ERLEC1: variants seen among roughly 807,000 people sequenced by gnomAD.
The protein encoded by ERLEC1 is ER lectin.
A neutral mutation model predicts 68.0 loss-of-function variants in ERLEC1; 47 were observed. The observed-to-expected ratio is 0.69, with a 90% CI of 0.55 to 0.88. The LOEUF is 0.88. Ranked by LOEUF, ERLEC1 falls within the 40% of genes least tolerant of loss-of-function variation. The pLI is 0.00. For missense variants in ERLEC1, 567 were observed against 583.8 expected, an observed-to-expected ratio of 0.97 and a Z score of 0.30; for synonymous variants, 225 against 203.2, an observed-to-expected ratio of 1.11 and a Z score of -0.91.
intron 8 of ERLEC1, among the ~76,000 whole-genome samples, chr2:53,802,914 T>C (rs1442751970): frequency 6.6e-6 from 1 of 152,118 alleles, no homozygotes; most frequent in Non-Finnish European, 1.5e-5. Flanking sequence ...ACCTTCAGTA[T>C]ATTGTTTTCT....
intron 1 of ERLEC1, among the ~76,000 whole-genome samples, chr2:53,789,503 C>T (rs1417183277): frequency 6.6e-6 from 1 of 152,060 alleles, no homozygotes; most frequent in East Asian, 1.9e-4. Flanking sequence ...TCAAGCCATC[C>T]TTCTGCCTCA....
chr2:53,808,216 TTAAAAA>T, intron 8 of ERLEC1, 77 bp from the exon 9 acceptor site: 2 of 1,465,462 alleles, frequency 1.4e-6, no homozygotes, highest in Non-Finnish European at 1.8e-6. Flanking sequence ...TTTCTGCAGT[TTAAAAA>T]TAATAACTTA....
At chr2:53,799,152 A>G in intron 6 of ERLEC1, 71 bp downstream of exon 6, 1 of 1,287,734 alleles carries the variant, frequency 7.8e-7, no homozygotes, top group East Asian at 2.4e-5. Flanking sequence ...ATATAACCCA[A>G]GTGACAGAAT....
At chr2:53,811,916 T>TTTTTG (rs1270568663) in intron 10 of ERLEC1, among the ~76,000 whole-genome samples, 8 of 152,140 alleles carry the variant, frequency 5.3e-5, no homozygotes, top group African/African-American at 1.9e-4. Context: ...ATAGGGGTTT[T>TTTTTG]TTTTGTTTTG....
chr2:53,813,306 C>G (rs1406578771), intron 11 of ERLEC1, among the ~76,000 whole-genome samples: 6 of 152,108 alleles, frequency 3.9e-5, no homozygotes, highest in Non-Finnish European at 8.8e-5. Flanking sequence ...CACTTCCTAC[C>G]TTGGAGAAAT....
At chr2:53,789,552 C>T (rs979372734) in intron 1 of ERLEC1, among the ~76,000 whole-genome samples, 5 of 152,270 alleles carry the variant, frequency 3.3e-5, no homozygotes, top group South Asian at 2.1e-4. Context: ...GTCACCATTG[C>T]ATCTGGCTTT....
chr2:53,814,704 T>C (rs1198093726), intron 12 of ERLEC1, 84 bp downstream of exon 12: 6 of 1,032,162 alleles, frequency 5.8e-6, no homozygotes, highest in Non-Finnish European at 8.7e-6. Context: ...AACAGTATAA[T>C]TATGAATAAT....
chr2:53,804,399 G>C (rs1313369201), intron 8 of ERLEC1, among the ~76,000 whole-genome samples: 1 of 152,030 alleles, frequency 6.6e-6, no homozygotes, highest in Non-Finnish European at 1.5e-5. Flanking sequence ...TTGGCCTCCT[G>C]AGTAGCTGGG....
chr2:53,817,158 G>T lies in ERLEC1; in HGVS notation c.1381-740G>T, dbSNP rs567693358. Among the ~76,000 whole-genome samples the T allele has an allele frequency of 1.2e-3, 171 of 148,198 alleles. 2 individuals are homozygous for T. Among genetic ancestry groups the T allele is most frequent in the African/African-American group, 4.2e-3 (170 of 40,090 alleles). The stretch of plus-strand genomic sequence containing the variant: ...TACTTATTTTTTTTTTTTTGAGACA[G>T]AGTCTCGCTCTGTCACCCAGGCTGG... On this transcript the variant is annotated intron_variant, in intron 13 of 13. Transcript: ENST00000185150.
chr2:53,796,091 C>T, intron 3 of ERLEC1, 78 bp downstream of exon 3: 36 of 991,988 alleles, frequency 3.6e-5, no homozygotes, highest in South Asian at 4.7e-5. Context: ...ACCGTTTCTT[C>T]TTTATTATGT....
At chr2:53,796,865 A>G (rs1334445928) in intron 3 of ERLEC1, among the ~76,000 whole-genome samples, 2 of 150,436 alleles carry the variant, frequency 1.3e-5, no homozygotes, top group African/African-American at 2.4e-5. Context: ...AATGTTTTTC[A>G]GTTCAAAATA....
chr2:53,815,497 C>T (rs963958075), intron 13 of ERLEC1, among the ~76,000 whole-genome samples: 3 of 152,132 alleles, frequency 2.0e-5, no homozygotes, highest in African/African-American at 4.8e-5. Context: ...CAGTTATATA[C>T]ACCCATGTAA....
intron 6 of ERLEC1, among the ~76,000 whole-genome samples, chr2:53,800,622 C>T (rs532182430): frequency 6.6e-6 from 1 of 152,198 alleles, no homozygotes; most frequent in African/African-American, 2.4e-5. Flanking sequence ...ATCCCTGCCT[C>T]CAAAGAGCTT....
At chr2:53,803,878 C>T (rs1301293676) in intron 8 of ERLEC1, among the ~76,000 whole-genome samples, 1 of 152,226 alleles carries the variant, frequency 6.6e-6, no homozygotes, top group Non-Finnish European at 1.5e-5. Context: ...CCTATAATTC[C>T]AGCACTTTGG....
intron 8 of ERLEC1, among the ~76,000 whole-genome samples, chr2:53,804,199 A>G (rs1558600305): frequency 1.3e-5 from 2 of 152,200 alleles, no homozygotes; most frequent in Admixed American, 6.5e-5. Context: ...TTGTGGGTAC[A>G]TAGCAGGTGT....
At position 53,818,583 on chromosome 2, in the gene ERLEC1, T is replaced by C. The variant is rs1213743222; in HGVS notation, c.*614T>C. The C allele has an allele frequency of 6.6e-6, 1 of 152,186 alleles. No individual in the cohort carries two copies. The highest frequency in any genetic ancestry group is 2.4e-5 in the African/African-American group (1 of 41,452). The allele number at this position is 152,186 out of a possible 1,614,324, so 9.4% of individuals were successfully genotyped here. A position where few individuals can be genotyped will look rare whatever the true frequency, so the allele number is the denominator to read the frequency against. ...ATAGGTTGCTTCTCTCTCAGAACTT[T>C]TATCTATTACTTTTTTCTTCTTATG... On this transcript the variant is annotated 3_prime_UTR_variant, in exon 14 of 14. Transcript: ENST00000185150.
intron 3 of ERLEC1, 105 bp from the exon 4 acceptor site, chr2:53,797,410 C>T (rs1675771080): frequency 4.0e-6 from 3 of 746,894 alleles, no homozygotes; most frequent in South Asian, 4.1e-5. Context: ...TTAATGAAAG[C>T]TTACTCTGAA....
chr2:53,796,565 T>C (rs530701247), intron 3 of ERLEC1, among the ~76,000 whole-genome samples: 54 of 152,162 alleles, frequency 3.5e-4, no homozygotes, highest in African/African-American at 1.3e-3. Context: ...GCTCAAGCTG[T>C]TCTCCCACCT....
chr2:53,808,588 G>T, intron 9 of ERLEC1, 128 bp downstream of exon 9: 2 of 892,702 alleles, frequency 2.2e-6, no homozygotes, highest in South Asian at 1.6e-5. Flanking sequence ...CATCCCCAAA[G>T]AACATTTTCT....
Sources: gnomAD v4.1 joint callset for allele counts (sites outside exome capture counted in the v4.1 genomes callset) on GRCh38, gnomAD v4.1.1 for gene constraint, MANE v1.5 for transcripts, NCBI Gene and HGNC (gene_info 2026-07-23, HGNC 2026-07-21) for gene names.